Variants in TUT4 observed in about 807,000 individuals in gnomAD.
TUT4 encodes the protein terminal uridylyltransferase 4.
Under a neutral mutation model 192.2 loss-of-function variants are expected in TUT4, and 36 were observed. The ratio of observed to expected loss-of-function variants is 0.19; its 90% confidence interval spans 0.14 to 0.25. The LOEUF (loss-of-function observed/expected upper bound fraction) is 0.25. Among genes scored for constraint, TUT4 ranks in the 10% least tolerant of loss-of-function variants. The probability of loss-of-function intolerance (pLI) is 1.00; values close to 1 mark genes in which losing one functional copy is unlikely to be tolerated. For synonymous variants in TUT4, 618 were observed against 666.0 expected (o/e 0.93, Z 1.11); for missense variants, 1,493 against 1,957.2 (o/e 0.76, Z 4.47).
At chr1:52,472,144 A>G (rs775459852) in intron 13 of TUT4, 42 bp from the exon 14 acceptor site, 2 of 1,584,072 alleles carry the variant, frequency 1.3e-6, no homozygotes, top group Non-Finnish European at 1.7e-6. Flanking sequence ...TAAACTTTTG[A>G]GGGACTTCAT....
At chr1:52,441,422 G>A (rs1319951210) in intron 24 of TUT4, among the ~76,000 whole-genome samples, 2 of 149,732 alleles carry the variant, frequency 1.3e-5, no homozygotes, top group Admixed American at 1.3e-4. Context: ...GACTACAGGC[G>A]TGCACCACCA....
chr1:52,534,021 G>C (rs762650077), intron 1 of TUT4, among the ~76,000 whole-genome samples: 2 of 152,168 alleles, frequency 1.3e-5, no homozygotes, highest in Non-Finnish European at 2.9e-5. Flanking sequence ...TCCCACTTTC[G>C]ATATTTCATT....
chr1:52,441,282 C>CTTTTT (rs201555130), intron 24 of TUT4, among the ~76,000 whole-genome samples: 1 of 118,228 alleles, frequency 8.5e-6, no homozygotes, highest in African/African-American at 3.1e-5. Context: ...GGGCATATGG[C>CTTTTT]TTTTTTTTTT....
chr1:52,532,760 T>A (rs1683840023), intron 1 of TUT4, among the ~76,000 whole-genome samples: 1 of 152,202 alleles, frequency 6.6e-6, no homozygotes, highest in Admixed American at 6.5e-5. Context: ...TATGCCAATA[T>A]TATTCACAGT....
At chr1:52,485,716 T>G (rs1209076013) in intron 9 of TUT4, among the ~76,000 whole-genome samples, 1 of 152,118 alleles carries the variant, frequency 6.6e-6, no homozygotes, top group African/African-American at 2.4e-5. Flanking sequence ...ATAAATTATG[T>G]GAACAGACTT....
intron 14 of TUT4, among the ~76,000 whole-genome samples, chr1:52,468,928 C>G (rs545069876): frequency 6.6e-6 from 1 of 152,070 alleles, no homozygotes; most frequent in African/African-American, 2.4e-5. Flanking sequence ...AAAGTTAACA[C>G]AGTAACAGAA....
chr1:52,458,166 T>C (rs1402145916), intron 20 of TUT4, among the ~76,000 whole-genome samples, 170 bp downstream of exon 20: 1 of 152,204 alleles, frequency 6.6e-6, no homozygotes, highest in African/African-American at 2.4e-5. Flanking sequence ...TCTCCCATAA[T>C]AAATTTTTCA....
At chr1:52,494,548 C>G (rs1254108338) in intron 6 of TUT4, among the ~76,000 whole-genome samples, 3 of 152,002 alleles carry the variant, frequency 2.0e-5, no homozygotes, top group Admixed American at 6.6e-5. Context: ...AAAAATTAGC[C>G]AGGCATGGTG....
At chr1:52,511,844 A>G (rs1677243936) in intron 3 of TUT4, among the ~76,000 whole-genome samples, 1 of 152,222 alleles carries the variant, frequency 6.6e-6, no homozygotes, top group Non-Finnish European at 1.5e-5. Context: ...TCTAATTTAT[A>G]TTTTAAAAGG....
At chr1:52,510,203 T>C (rs1482088045) in intron 3 of TUT4, among the ~76,000 whole-genome samples, 1 of 151,250 alleles carries the variant, frequency 6.6e-6, no homozygotes, top group African/African-American at 2.4e-5. Flanking sequence ...TCCCAGCTAC[T>C]CTGGTGGCTG....
At chr1:52,516,878 T>C (rs1485244944) in intron 2 of TUT4, among the ~76,000 whole-genome samples, 3 of 152,194 alleles carry the variant, frequency 2.0e-5, no homozygotes, top group Admixed American at 6.6e-5. Flanking sequence ...AGACCAACTT[T>C]AGATATGGGA....
At chr1:52,475,660 G>T in intron 12 of TUT4, 125 bp from the exon 13 acceptor site, 1 of 844,770 alleles carries the variant, frequency 1.2e-6, no homozygotes, top group Non-Finnish European at 1.8e-6. Context: ...GTTTTTCTAA[G>T]CTAGACTCCC....
chr1:52,544,868 G>A (rs1459983558), intron 1 of TUT4, among the ~76,000 whole-genome samples: 3 of 151,338 alleles, frequency 2.0e-5, no homozygotes, highest in African/African-American at 7.3e-5. Context: ...GCCAGCCTAT[G>A]CAACATAGTG....
At chr1:52,498,508 T>C (rs1014558124) in intron 4 of TUT4, among the ~76,000 whole-genome samples, 8 of 151,906 alleles carry the variant, frequency 5.3e-5, no homozygotes, top group African/African-American at 1.9e-4. Context: ...CCTCCCAAAG[T>C]GGTGGGATTA....
At chr1:52,529,476 A>G (rs1284574919) in intron 1 of TUT4, among the ~76,000 whole-genome samples, 1 of 152,230 alleles carries the variant, frequency 6.6e-6, no homozygotes, top group Non-Finnish European at 1.5e-5. Context: ...GCTCTGTTTC[A>G]AAAATTAAAA....
At chr1:52,455,319 A>G (rs1470777034) in intron 20 of TUT4, among the ~76,000 whole-genome samples, 1 of 152,098 alleles carries the variant, frequency 6.6e-6, no homozygotes, top group Non-Finnish European at 1.5e-5. Context: ...ACAAAATATT[A>G]GATTGAAGCA....
intron 9 of TUT4, among the ~76,000 whole-genome samples, chr1:52,485,252 T>C (rs1438378062): frequency 6.6e-6 from 1 of 152,196 alleles, no homozygotes; most frequent in East Asian, 1.9e-4. Flanking sequence ...TACACATTTT[T>C]CCCCATTTCC....
chr1:52,472,442 C>T (rs1240901263), intron 13 of TUT4, among the ~76,000 whole-genome samples: 1 of 151,910 alleles, frequency 6.6e-6, no homozygotes, highest in Non-Finnish European at 1.5e-5. Context: ...TGAGATCTAA[C>T]AAAATAGGTT....
chr1:52,490,810 G>GAA lies in TUT4; in HGVS notation c.1319-11_1319-10dup. ...CACATCTACATATAATACTAATAAG[G>GAA]AAAAAAAAAAGTAAGCTAATGTCAA... On this transcript the variant is annotated splice_polypyrimidine_tract_variant and intron_variant, in intron 7 of 29. Coordinates refer to ENST00000257177, the MANE Select transcript of TUT4 (RefSeq NM_001009881.3). 1.0e-5 allele frequency: 15 copies of GAA among 1,458,146 alleles called. No homozygotes were observed. Among genetic ancestry groups the GAA allele is most frequent in the South Asian group, 6.6e-5 (5 of 75,416 alleles). 90.3% of individuals were successfully genotyped at this position (1,458,146 alleles called of 1,614,324 possible).
Sources: allele counts gnomAD v4.1 joint callset (sites outside exome capture counted in the v4.1 genomes callset), GRCh38; gene constraint gnomAD v4.1.1; transcripts MANE v1.5; gene names NCBI Gene and HGNC (gene_info 2026-07-23, HGNC 2026-07-21).